UNC79: variants seen among roughly 807,000 people sequenced by gnomAD.
The protein encoded by UNC79 is protein unc-79 homolog.
In UNC79, 37 loss-of-function variants were observed where a neutral mutation model predicts 283.1. The observed-to-expected ratio is 0.13, with a 90% CI of 0.10 to 0.17. The LOEUF is 0.17. UNC79 is among the 10% of genes least tolerant of loss of function. The pLI, the probability that UNC79 is intolerant of heterozygous loss-of-function variation, is 1.00. For synonymous variants in UNC79, 1,107 were observed against 1,200.2 expected (o/e 0.92, Z 1.61); for missense variants, 2,272 against 3,211.1 (o/e 0.71, Z 7.07).
chr14:93,665,626 G>T (rs1254393639), intron 40 of UNC79, among the ~76,000 whole-genome samples: 1 of 150,840 alleles, frequency 6.6e-6, no homozygotes, highest in East Asian at 2.0e-4. Context: ...TCAAGACAAA[G>T]AAAATATTTT....
chr14:93,492,834 G>GACC (rs1240760501), intron 5 of UNC79, among the ~76,000 whole-genome samples: 3 of 152,188 alleles, frequency 2.0e-5, no homozygotes, highest in African/African-American at 7.2e-5. Flanking sequence ...CTGCACTTGA[G>GACC]AATTCAGTGA....
chr14:93,568,894 C>T (rs1224166830), intron 14 of UNC79, among the ~76,000 whole-genome samples: 1 of 152,128 alleles, frequency 6.6e-6, no homozygotes, highest in Non-Finnish European at 1.5e-5. Flanking sequence ...TATATAATCT[C>T]ATAGAGGCTG....
chr14:93,338,725 G>A (rs2053637087), intron 1 of UNC79, among the ~76,000 whole-genome samples: 1 of 152,060 alleles, frequency 6.6e-6, no homozygotes, highest in Admixed American at 6.6e-5. Flanking sequence ...TGGGCAACAT[G>A]GCAAAACTCT....
chr14:93,425,874 C>T (rs1046326363), upstream of UNC79, among the ~76,000 whole-genome samples: 2 of 152,206 alleles, frequency 1.3e-5, no homozygotes, highest in Non-Finnish European at 1.5e-5. Flanking sequence ...CATTTTAAAA[C>T]TCTTCAGTAA....
intron 1 of UNC79, among the ~76,000 whole-genome samples, chr14:93,398,190 T>G (rs529820290): frequency 9.2e-5 from 14 of 152,228 alleles, no homozygotes; most frequent in Admixed American, 6.5e-4. Flanking sequence ...TATTGAAGCA[T>G]AAGAGTTTAT....
chr14:93,634,574 T>C, intron 31 of UNC79: 1 of 1,614,108 alleles, frequency 6.2e-7, no homozygotes, highest in Non-Finnish European at 8.5e-7. Flanking sequence ...AATGAGCCAG[T>C]TAATGAAGCG....
rs1566929828 is a variant in UNC79 at position 93,430,483 on chromosome 14, CGAA to C, written c.-545_-543del. On this transcript the variant is annotated 5_prime_UTR_variant, in exon 1 of 49. Transcript: ENST00000555664. This position sits in a 1 kb window ranked among gnomAD's most constrained non-coding sequence, Gnocchi z 4.6. The stretch of plus-strand genomic sequence containing the variant: ...CTCTCCTTCCTCCCCGAGGTTGAGA[CGAA>C]GCGTGGGACGCACCTGGGTCCCTCT... 1 of 152,518 alleles carries C rather than the reference CGAA, an allele frequency of 6.6e-6. No homozygotes were observed. Among genetic ancestry groups the C allele is most frequent in the East Asian group, 1.9e-4 (1 of 5,190 alleles). The allele number at this position is 152,518 out of a possible 1,614,324, so 9.4% of individuals were successfully genotyped here. A position where few individuals can be genotyped will look rare whatever the true frequency, so the allele number is the denominator to read the frequency against.
chr14:93,635,895 A>G lies in UNC79; in HGVS notation c.5717-1321A>G, dbSNP rs190061029. 1.6e-3 allele frequency among the ~76,000 whole-genome samples: 243 copies of G among 152,348 alleles called. 2 individuals are homozygous for G. The highest frequency in any genetic ancestry group is 5.7e-3 in the African/African-American group (237 of 41,578). On this transcript the variant is annotated intron_variant, in intron 31 of 48. Transcript: ENST00000555664. The stretch of plus-strand genomic sequence containing the variant: ...TGAAGTCTTTCTGCCTACACCAAAG[A>G]GGACTGTGCTTTCTTCTTTATGGAG...
chr14:93,547,867 A>G (rs1169208661), intron 14 of UNC79, among the ~76,000 whole-genome samples: 1 of 152,042 alleles, frequency 6.6e-6, no homozygotes, highest in Admixed American at 6.6e-5. Flanking sequence ...GTTGGCTCGC[A>G]CCTGTAGTCC....
chr14:93,398,380 T>A (rs2055040077), intron 1 of UNC79, among the ~76,000 whole-genome samples: 1 of 152,042 alleles, frequency 6.6e-6, no homozygotes, highest in African/African-American at 2.4e-5. Context: ...AGAAACAAGT[T>A]TGGAGCTTTG....
intron 10 of UNC79, among the ~76,000 whole-genome samples, chr14:93,532,303 CAAA>C (rs5810632): frequency 1.3e-4 from 16 of 127,590 alleles, no homozygotes; most frequent in Admixed American, 5.8e-4. Flanking sequence ...CCCATGTCTA[CAAA>C]AAAAAAAAAA....
intron 1 of UNC79, among the ~76,000 whole-genome samples, chr14:93,448,299 C>T (rs1042882210): frequency 1.5e-4 from 23 of 151,418 alleles, no homozygotes; most frequent in Admixed American, 1.1e-3. Context: ...TAAGTTCATT[C>T]AGTTAATTTT....
At chr14:93,512,512 C>T (rs1004288409) in intron 7 of UNC79, among the ~76,000 whole-genome samples, 2 of 152,040 alleles carry the variant, frequency 1.3e-5, no homozygotes, top group Admixed American at 1.3e-4. Context: ...CATTCTGGGA[C>T]TTTAAAAAAA....
chr14:93,633,571 A>G (rs2140107934), intron 31 of UNC79, among the ~76,000 whole-genome samples: 1 of 152,266 alleles, frequency 6.6e-6, no homozygotes, highest in South Asian at 2.1e-4. Flanking sequence ...GAGAATAACC[A>G]CAAGTTGTCA....
At chr14:93,435,459 T>C in intron 1 of UNC79, among the ~76,000 whole-genome samples, 1 of 152,206 alleles carries the variant, frequency 6.6e-6, no homozygotes, top group Admixed American at 6.5e-5. Context: ...TCTCTCACTC[T>C]TTTTTAAAAT....
chr14:93,333,247 G>T (rs2053493980), exon 1 of UNC79: 1 of 402,306 alleles, frequency 2.5e-6, no homozygotes, highest in Non-Finnish European at 4.4e-6. Context: ...GGAGCCGGGC[G>T]TCGGGTCGCT....
intron 7 of UNC79, among the ~76,000 whole-genome samples, chr14:93,506,840 G>A (rs1020063385): frequency 2.0e-5 from 3 of 152,136 alleles, no homozygotes; most frequent in African/African-American, 7.2e-5. Context: ...TGCTCATGTA[G>A]TCGTCATCCA....
At chr14:93,538,841 A>C (rs60248035) in intron 12 of UNC79, among the ~76,000 whole-genome samples, 11,761 of 144,656 alleles carry the variant, frequency 0.081, 553 homozygotes, top group Middle Eastern at 0.18. Context: ...AATAACTTCT[A>C]CCCTTCCTCT....
intron 22 of UNC79, among the ~76,000 whole-genome samples, chr14:93,587,563 T>C (rs1211565087): frequency 6.6e-6 from 1 of 152,238 alleles, no homozygotes; most frequent in African/African-American, 2.4e-5. Flanking sequence ...TTATTTATTA[T>C]TCATTCAACA....
Sources: allele counts gnomAD v4.1 joint callset (sites outside exome capture counted in the v4.1 genomes callset), GRCh38; gene constraint gnomAD v4.1.1; non-coding constraint Gnocchi (gnomAD v3.1); transcripts MANE v1.5; gene names NCBI Gene and HGNC (gene_info 2026-07-23, HGNC 2026-07-21).